ZNF570: variants seen among roughly 807,000 people sequenced by gnomAD.
ZNF570 encodes the protein zinc finger protein 570.
ZNF570 carries 8 observed loss-of-function variants against 14.2 expected under a neutral mutation model. The observed-to-expected ratio is 0.56, with a 90% CI of 0.33 to 1.02. ZNF570 has a LOEUF of 1.02. Among genes scored for constraint, ZNF570 ranks in the 50% least tolerant of loss-of-function variants. The probability of loss-of-function intolerance (pLI) is 0.03; values close to 1 mark genes in which losing one functional copy is unlikely to be tolerated. For synonymous variants in ZNF570, 202 were observed against 207.6 expected (o/e 0.97, Z 0.23); for missense variants, 559 against 624.9 (o/e 0.89, Z 1.12).
chr19:37,468,093 T>TG (rs2041881525), upstream of ZNF570: 4 of 685,410 alleles, frequency 5.8e-6, no homozygotes, highest in African/African-American at 1.8e-5. Flanking sequence ...TTGTTTGTTT[T>TG]GTTTTTTTTG....
intron 4 of ZNF570, 77 bp from the exon 5 acceptor site, chr19:37,483,802 C>A: frequency 7.0e-7 from 1 of 1,420,498 alleles, no homozygotes; most frequent in Non-Finnish European, 9.4e-7. Flanking sequence ...ACATATTTTA[C>A]TTTACAGATG....
intron 4 of ZNF570, among the ~76,000 whole-genome samples, chr19:37,478,000 A>G (rs2147013517): frequency 6.6e-6 from 1 of 152,296 alleles, no homozygotes; most frequent in East Asian, 1.9e-4. Context: ...TAGAAGGATA[A>G]TTATCTGCTA....
rs1244774216 is a variant in ZNF570 at position 37,469,461 on chromosome 19, C to T, written c.-148C>T. The T allele has an allele frequency of 2.1e-5, 32 of 1,536,092 alleles. No individual in the cohort carries two copies. Among genetic ancestry groups the T allele is most frequent in the Non-Finnish European group, 2.5e-5 (29 of 1,146,804 alleles). ...TCGGGGCAGGAAGGAGATCTTCCAC[C>T]AGTTCTGTTCTGCAGGTCGGGAGTG... On this transcript the variant is annotated 5_prime_UTR_variant, in exon 1 of 5. Transcript: ENST00000330173.
At position 37,484,967 on chromosome 19, in the gene ZNF570, A is replaced by G; in HGVS notation, c.1345A>G (p.Lys449Glu). The change falls in exon 5 of 5, where the codon AAG (lysine) becomes GAG (glutamate). Residue 449 changes from lysine to glutamate, a missense_variant. Coordinates refer to ENST00000330173, the MANE Select transcript of ZNF570 (RefSeq NM_144694.5). ...ACCCTATGAATGTATTGAATGTGGG[A>G]AGGCTTTTAGCAATGACTCGTCCCT... ...EKPYECIECG[K>E]AFSNDSSLTQ... is the part of the protein sequence containing the mutation. 1 of 1,614,128 alleles carries G rather than the reference A, an allele frequency of 6.2e-7. No individual in the cohort carries two copies. Among genetic ancestry groups the G allele is most frequent in the Non-Finnish European group, 8.5e-7 (1 of 1,180,004 alleles).
At chr19:37,483,787 A>G (rs1338553286) in intron 4 of ZNF570, 92 bp from the exon 5 acceptor site, 1 of 1,341,552 alleles carries the variant, frequency 7.5e-7, no homozygotes, top group Non-Finnish European at 1.0e-6. Context: ...TTTGCTATTT[A>G]ATTCACATAT....
chr19:37,468,262 G>A (rs931641883), upstream of ZNF570, among the ~76,000 whole-genome samples: 10 of 151,886 alleles, frequency 6.6e-5, no homozygotes, highest in South Asian at 8.3e-4. Context: ...ATTTTTGTTT[G>A]TTTGTTAGTA....
At position 37,483,966 on chromosome 19, in the gene ZNF570, T is replaced by C; in HGVS notation, c.344T>C (p.Leu115Pro). The C allele has an allele frequency of 6.2e-7, 1 of 1,613,928 alleles. No homozygotes were observed. The highest frequency in any genetic ancestry group is 8.5e-7 in the Non-Finnish European group (1 of 1,179,992). ...EHQSQKIIET[L>P]TSYNLEYSSL... ...CAATCCCAGAAGATAATAGAAACACTTACAAGCTATAACCTTGAATACTCC... is the reference window on the plus strand; with the variant it reads ...CAATCCCAGAAGATAATAGAAACACCTACAAGCTATAACCTTGAATACTCC... Residue 115 changes from leucine to proline, a missense_variant, in exon 5 of 5, where the codon CTT becomes CCT. By Grantham distance (98) the Leu-to-Pro change is moderately conservative. Coordinates refer to ENST00000330173, the MANE Select transcript of ZNF570 (RefSeq NM_144694.5).
chr19:37,471,339 G>GCTATTCTCTCTGCTATTCTCTCT (rs2041961819), intron 2 of ZNF570, among the ~76,000 whole-genome samples: 1 of 152,110 alleles, frequency 6.6e-6, no homozygotes, highest in Non-Finnish European at 1.5e-5. Flanking sequence ...CTTAATGCAT[G>GCTATTCTCTCTGCTATTCTCTCT]GCCTTGCACT....
Position 37,485,176 on chromosome 19 carries a change from A to G in ZNF570, c.1554A>G (p.Arg518=). Residue 518 remains arginine, a synonymous_variant, in exon 5 of 5, where the codon AGA becomes AGG. Coordinates refer to ENST00000330173, the MANE Select transcript of ZNF570 (RefSeq NM_144694.5). ...RQHAHLAHHQ[R]IHIGESLSPP... ...ATGCACACCTTGCTCATCACCAGAG[A>G]ATTCACATTGGGGAGTCACTGTCAC... 6.3e-7 allele frequency: 1 copy of G among 1,592,476 alleles called. No homozygotes were observed. The highest frequency in any genetic ancestry group is 8.6e-7 in the Non-Finnish European group (1 of 1,169,242).
At chr19:37,481,227 C>T (rs1394680465) in intron 4 of ZNF570, among the ~76,000 whole-genome samples, 3 of 151,472 alleles carry the variant, frequency 2.0e-5, no homozygotes, top group African/African-American at 7.3e-5. Flanking sequence ...AATCTCGGCT[C>T]ACCGCAACCT....
intron 1 of ZNF570, among the ~76,000 whole-genome samples, chr19:37,469,885 G>C (rs1207876948): frequency 6.6e-6 from 1 of 152,204 alleles, no homozygotes; most frequent in Non-Finnish European, 1.5e-5. Flanking sequence ...CTGATTATGT[G>C]GGGGATTGAG....
intron 4 of ZNF570, among the ~76,000 whole-genome samples, chr19:37,482,002 G>A (rs1410112895): frequency 6.6e-6 from 1 of 152,118 alleles, no homozygotes; most frequent in Non-Finnish European, 1.5e-5. Context: ...ACTACTTTAG[G>A]TACCTCATAT....
intron 1 of ZNF570, 67 bp from the exon 2 acceptor site, chr19:37,470,237 G>C: frequency 1.4e-6 from 2 of 1,469,816 alleles, no homozygotes; most frequent in Non-Finnish European, 9.5e-7. Flanking sequence ...ATCCTAAAAA[G>C]TCTAGACTGG....
Position 37,470,486 on chromosome 19 carries a change from C to T in ZNF570, c.33+99C>T, listed in dbSNP as rs1032764330. On this transcript the variant is annotated intron_variant, in intron 2 of 4. Coordinates refer to ENST00000330173, the MANE Select transcript of ZNF570 (RefSeq NM_144694.5). The stretch of plus-strand genomic sequence containing the variant: ...GCTGAAACGTTTCTGGGTAACCAGT[C>T]ATGTCCCTTATCAACACTCTCCATT... 2.8e-6 allele frequency: 3 copies of T among 1,080,258 alleles called. No homozygotes were observed. The African/African-American group carries it at 4.7e-5, about 17-fold the overall frequency. 66.9% of individuals were successfully genotyped at this position (1,080,258 alleles called of 1,614,324 possible). A position where few individuals can be genotyped will look rare whatever the true frequency, so the allele number is the denominator to read the frequency against.
At chr19:37,471,265 G>A (rs2041960532) in intron 2 of ZNF570, among the ~76,000 whole-genome samples, 1 of 151,882 alleles carries the variant, frequency 6.6e-6, no homozygotes, top group African/African-American at 2.4e-5. Context: ...CGCCCGCCTT[G>A]GCCTCCCAAA....
intron 2 of ZNF570, among the ~76,000 whole-genome samples, chr19:37,474,562 C>T (rs776020838): frequency 2.0e-5 from 3 of 152,086 alleles, no homozygotes; most frequent in East Asian, 1.9e-4. Flanking sequence ...CGGATTCAAG[C>T]GATTCTCCTG....
chr19:37,470,406 G>A lies in ZNF570; in HGVS notation c.33+19G>A, dbSNP rs201231522. 1,595 of 1,610,532 alleles carry A rather than the reference G, an allele frequency of 9.9e-4. No individual in the cohort carries two copies. The highest frequency in any genetic ancestry group is 1.2e-3 in the Non-Finnish European group (1,443 of 1,177,574). ...GTACCAGGTGTGTTGGTGTTTTCTC[G>A]ATTTCCTGAATACCTGTCTGCTTTT... On this transcript the variant is annotated intron_variant, in intron 2 of 4. Coordinates refer to ENST00000330173, the MANE Select transcript of ZNF570 (RefSeq NM_144694.5).
At position 37,484,596 on chromosome 19, in the gene ZNF570, C is replaced by T. The variant is rs776195962; in HGVS notation, c.974C>T (p.Thr325Met). 61 of 1,613,950 alleles carry T rather than the reference C, an allele frequency of 3.8e-5. No individual in the cohort carries two copies. In the East Asian group the frequency reaches 5.3e-4, roughly 14 times the overall value. Residue 325 changes from threonine to methionine, a missense_variant, in exon 5 of 5, where the codon ACG (threonine) becomes ATG (methionine). Physicochemically the swap from Thr to Met is moderately conservative, Grantham distance 81 (BLOSUM62 -1). Coordinates refer to ENST00000330173, the MANE Select transcript of ZNF570 (RefSeq NM_144694.5). The part of the protein sequence containing the change: ...AYLAQHQRVH[T>M]GEKPYECIEC... Reference sequence around the variant, plus strand: ...CTTGCTCAACATCAGAGAGTTCACACGGGAGAGAAACCCTATGAATGTATC... The same window carrying T: ...CTTGCTCAACATCAGAGAGTTCACATGGGAGAGAAACCCTATGAATGTATC...
At position 37,487,224 on chromosome 19, in the gene ZNF570, AAAAAG is replaced by A. The variant is rs1361918697; in HGVS notation, c.*1992_*1996del. On this transcript the variant is annotated 3_prime_UTR_variant, in exon 5 of 5. Transcript: ENST00000330173. ...CTCAAAAAAAAAAAAAAAAAAAAAAAAAAAGCACTACCCCCAGCTAATTGTATGGT... is the reference window on the plus strand; with the variant it reads ...CTCAAAAAAAAAAAAAAAAAAAAAAACACTACCCCCAGCTAATTGTATGGT... 2 of 151,726 alleles carry A rather than the reference AAAAAG, an allele frequency of 1.3e-5. No homozygotes were observed. Among genetic ancestry groups the A allele is most frequent in the African/African-American group, 4.8e-5 (2 of 41,338 alleles). 9.4% of individuals were successfully genotyped at this position (151,726 alleles called of 1,614,324 possible). A position where few individuals can be genotyped will look rare whatever the true frequency, so the allele number is the denominator to read the frequency against.
Sources: allele counts gnomAD v4.1 joint callset (sites outside exome capture counted in the v4.1 genomes callset), GRCh38; gene constraint gnomAD v4.1.1; transcripts MANE v1.5; gene names NCBI Gene and HGNC (gene_info 2026-07-23, HGNC 2026-07-21).